RELCH: variants seen among roughly 807,000 people sequenced by gnomAD.
RELCH encodes RAB11 binding and LisH domain, coiled-coil and HEAT repeat containing.
RELCH carries 41 observed loss-of-function variants against 150.3 expected under a neutral mutation model. That is an observed-to-expected ratio of 0.27 (90% CI 0.21 to 0.35). RELCH has a LOEUF of 0.35. Among genes scored for constraint, RELCH ranks in the 10% least tolerant of loss-of-function variants. The pLI, the probability that RELCH is intolerant of heterozygous loss-of-function variation, is 1.00. For missense variants in RELCH, 1,092 were observed against 1,467.8 expected (o/e 0.74, Z 4.18); for synonymous variants, 478 against 531.8 (o/e 0.90, Z 1.39).
In RELCH at chr18:62,291,549, C is replaced by T; in HGVS notation, c.3377C>T (p.Ser1126Leu). The change falls in exon 27 of 29, where the codon TCA becomes TTA. Residue 1126 changes from serine to leucine, a missense_variant. By Grantham distance (145) the Ser-to-Leu change is moderately radical (BLOSUM62 -2). Around this residue, in one of 4 missense-constraint regions of RELCH, gnomAD observed 707 missense variants for 1,025.4 expected, o/e 0.69. Transcript: ENST00000644646. ...TTAACTACCTTGTCCCAAGTCATTT[C>T]AGAGGATTTAATGGTTAATCACTTT... is the stretch of plus-strand genomic sequence containing the variant. ...AYSALSCCFI[S>L]EDLMVNHFLP... 9 of 1,604,160 alleles carry T rather than the reference C, an allele frequency of 5.6e-6. No homozygotes were observed. The highest frequency in any genetic ancestry group is 6.8e-6 in the Non-Finnish European group (8 of 1,173,642).
rs2045908288 is a variant in RELCH at position 62,307,300 on chromosome 18, A to T, written c.*1766A>T. On this transcript the variant is annotated 3_prime_UTR_variant, in exon 29 of 29. Coordinates refer to ENST00000644646, the MANE Select transcript of RELCH (RefSeq NM_001346231.2). Reference sequence around the variant, plus strand: ...AGGGGACCATGTTGCTATAAAACTAATACATTTCAGAGGTACCTGGAAGAA... The same window carrying T: ...AGGGGACCATGTTGCTATAAAACTATTACATTTCAGAGGTACCTGGAAGAA... 6.6e-6 allele frequency: 1 copy of T among 152,062 alleles called. No individual in the cohort carries two copies. Among genetic ancestry groups the T allele is most frequent in the Non-Finnish European group, 1.5e-5 (1 of 67,984 alleles). 9.4% of individuals were successfully genotyped at this position (152,062 alleles called of 1,614,324 possible).
intron 1 of RELCH, among the ~76,000 whole-genome samples, chr18:62,189,280 T>G (rs2038437786): frequency 6.6e-6 from 1 of 151,006 alleles, no homozygotes; most frequent in South Asian, 2.1e-4. Flanking sequence ...TTGTTGTTTT[T>G]TTTTTTTGGT....
intron 7 of RELCH, 151 bp from the exon 8 acceptor site, chr18:62,228,154 T>A (rs2041328753): frequency 1.6e-6 from 1 of 629,920 alleles, no homozygotes; most frequent in African/African-American, 1.9e-5. Context: ...CATCAGTGAA[T>A]ATTGCATAAA....
chr18:62,201,393 C>G (rs1160241024), intron 1 of RELCH, among the ~76,000 whole-genome samples: 1 of 152,008 alleles, frequency 6.6e-6, no homozygotes, highest in African/African-American at 2.4e-5. Flanking sequence ...AAATTTCTTT[C>G]TCATGACAGA....
At chr18:62,236,794 T>C (rs981102608) in intron 10 of RELCH, among the ~76,000 whole-genome samples, 4 of 151,870 alleles carry the variant, frequency 2.6e-5, no homozygotes, top group African/African-American at 9.7e-5. Context: ...TTATTGTTTT[T>C]CTAGTCTATG....
intron 23 of RELCH, 138 bp from the exon 24 acceptor site, chr18:62,280,508 C>A: frequency 1.3e-6 from 2 of 1,484,862 alleles, no homozygotes; most frequent in Non-Finnish European, 1.9e-6. Flanking sequence ...TCTTGGTCTG[C>A]TTTTTTTAAA....
intron 27 of RELCH, among the ~76,000 whole-genome samples, chr18:62,295,735 C>A (rs1344677902): frequency 1.3e-5 from 2 of 152,026 alleles, no homozygotes; most frequent in African/African-American, 4.8e-5. Flanking sequence ...CCATGCCAAG[C>A]TAATTTTTTG....
rs367897655 is a variant in RELCH at position 62,206,813 on chromosome 18, C to T, written c.527-4340C>T. Among the ~76,000 whole-genome samples, 338 of 149,874 alleles carry T rather than the reference C, an allele frequency of 2.3e-3. 4 individuals are homozygous for T. The highest frequency in any genetic ancestry group is 7.6e-3 in the African/African-American group (307 of 40,612). On this transcript the variant is annotated intron_variant, in intron 1 of 28. Coordinates refer to ENST00000644646, the MANE Select transcript of RELCH (RefSeq NM_001346231.2). ...CGCCCCACCCACCACCCCCTCTCCC[C>T]GCCCCGCAGCTTCTGTACATTGTAA...
chr18:62,271,549 C>T (rs1232459897), intron 20 of RELCH, among the ~76,000 whole-genome samples: 2 of 152,150 alleles, frequency 1.3e-5, no homozygotes, highest in African/African-American at 4.8e-5. Flanking sequence ...CCTGTTCACT[C>T]TGATGGTAGT....
rs1024476729 is a variant in RELCH, at chr18:62,234,750, A to C, written c.1620+2323A>C. 4.6e-5 allele frequency: 7 copies of C among 151,850 alleles called. No homozygotes were observed. In the East Asian group the frequency reaches 1.4e-3, roughly 29 times the overall value. The allele number at this position is 151,850 out of a possible 1,614,324, so 9.4% of individuals were successfully genotyped here. A position where few individuals can be genotyped will look rare whatever the true frequency, so the allele number is the denominator to read the frequency against. ...TGCTAGCTTCTAGAGTATTCTTTCA[A>C]GTCCTTTGACCATTTTTAAATTTGA... On this transcript the variant is annotated intron_variant, in intron 10 of 28. Transcript: ENST00000644646.
intron 13 of RELCH, among the ~76,000 whole-genome samples, chr18:62,255,684 A>G (rs2042962309): frequency 6.6e-6 from 1 of 152,106 alleles, no homozygotes; most frequent in South Asian, 2.1e-4. Flanking sequence ...GGATGAGTAT[A>G]AATATATTAA....
At chr18:62,238,260 G>A (rs2041973958) in intron 10 of RELCH, among the ~76,000 whole-genome samples, 1 of 151,854 alleles carries the variant, frequency 6.6e-6, no homozygotes, top group Admixed American at 6.6e-5. Flanking sequence ...CTTGGGTTTA[G>A]TTGATCCTTC....
Position 62,227,478 on chromosome 18 carries a change from C to A in RELCH, c.1048C>A (p.Pro350Thr), listed in dbSNP as rs2041288628. 2 of 1,612,884 alleles carry A rather than the reference C, an allele frequency of 1.2e-6. No homozygotes were observed. Among genetic ancestry groups the A allele is most frequent in the Non-Finnish European group, 1.7e-6 (2 of 1,179,290 alleles). Residue 350 changes from proline (P) to threonine (T), a missense_variant, in exon 6 of 29, where the codon CCC becomes ACC. By Grantham distance (38) the Pro-to-Thr change is conservative (BLOSUM62 -1). Around this residue, in one of 4 missense-constraint regions of RELCH, gnomAD observed 57 missense variants for 41.5 expected, o/e 1.37. Transcript: ENST00000644646. Reference protein sequence around the residue: ...ISNLPPTLETPQPAENSMLVQ... With the variant: ...ISNLPPTLETTQPAENSMLVQ... ...CAACCTTCCTCCAACTCTTGAAACT[C>A]CCCAGCCTGCAGAGGTGAGAGATAG... is the stretch of plus-strand genomic sequence containing the variant.
intron 20 of RELCH, 40 bp downstream of exon 20, chr18:62,268,988 A>G: frequency 4.9e-6 from 5 of 1,011,748 alleles, no homozygotes; most frequent in Non-Finnish European, 7.3e-6. Flanking sequence ...AAGGCTTTCC[A>G]TTTAGAAAAA....
At chr18:62,216,233 T>C (rs2040469579) in intron 2 of RELCH, among the ~76,000 whole-genome samples, 1 of 152,138 alleles carries the variant, frequency 6.6e-6, no homozygotes, top group Non-Finnish European at 1.5e-5. Flanking sequence ...GGTTTCTATG[T>C]AGACATACAA....
intron 8 of RELCH, among the ~76,000 whole-genome samples, chr18:62,229,069 A>T (rs1196920581): frequency 1.3e-5 from 2 of 152,044 alleles, no homozygotes; most frequent in Non-Finnish European, 2.9e-5. Context: ...TGTTTAATTT[A>T]TATTGGGTGT....
intron 1 of RELCH, among the ~76,000 whole-genome samples, chr18:62,196,341 T>G (rs1253882703): frequency 6.6e-6 from 1 of 152,168 alleles, no homozygotes; most frequent in Non-Finnish European, 1.5e-5. Context: ...GTGACTCTGG[T>G]GCCTCAGCCT....
chr18:62,188,086 T>C, intron 1 of RELCH, 55 bp downstream of exon 1: 1 of 1,471,692 alleles, frequency 6.8e-7, no homozygotes, highest in Non-Finnish European at 9.0e-7. Flanking sequence ...TGTACGGAGT[T>C]ACTGTAGGGG....
intron 20 of RELCH, 32 bp downstream of exon 20, chr18:62,268,980 G>T: frequency 8.4e-7 from 1 of 1,194,044 alleles, no homozygotes; most frequent in Non-Finnish European, 1.2e-6. Context: ...TCTAGTAAAA[G>T]GCTTTCCATT....
Sources: gnomAD v4.1 joint callset for allele counts (sites outside exome capture counted in the v4.1 genomes callset) on GRCh38, gnomAD v4.1.1 for gene constraint, gnomAD v4.1.1 regional missense constraint, MANE v1.5 for transcripts, NCBI Gene and HGNC (gene_info 2026-07-23, HGNC 2026-07-21) for gene names.